Variants in MRPS30 observed in about 807,000 individuals in gnomAD.
The protein encoded by MRPS30 is large ribosomal subunit protein mL65.
MRPS30 carries 42 observed loss-of-function variants against 43.8 expected under a neutral mutation model. The observed-to-expected ratio is 0.96, with a 90% CI of 0.75 to 1.24. MRPS30 has a LOEUF of 1.24. Among genes scored for constraint, MRPS30 ranks in the 50% most tolerant of loss-of-function variants. The pLI is 0.00. For synonymous variants in MRPS30, 273 were observed against 228.2 expected, an observed-to-expected ratio of 1.20 and a Z score of -1.77; for missense variants, 638 against 570.0, an observed-to-expected ratio of 1.12 and a Z score of -1.22.
chr5:44,813,043 AACAT>A, intron 3 of MRPS30, 59 bp from the exon 4 acceptor site: 1 of 1,529,278 alleles, frequency 6.5e-7, no homozygotes, highest in South Asian at 1.2e-5. Context: ...CAAATACTAA[AACAT>A]GTGCTCCACA....
In MRPS30 at chr5:44,813,257, G is replaced by T. The variant is rs2111857971; in HGVS notation, c.1005G>T (p.Trp335Cys). Residue 335 changes from tryptophan to cysteine, a missense_variant, in exon 4 of 5, where the codon TGG becomes TGT. By Grantham distance (215) the Trp-to-Cys change is radical. Coordinates refer to ENST00000507110, the MANE Select transcript of MRPS30 (RefSeq NM_016640.4). The stretch of plus-strand genomic sequence containing the variant: ...ATGCTATTGCAAGCCTTTTTGCTTG[G>T]ACTGGAGCACAAGCTATGTATCAAG... Reference protein sequence around the residue: ...RANAIASLFAWTGAQAMYQGF... With the variant: ...RANAIASLFACTGAQAMYQGF... 6.2e-7 allele frequency: 1 copy of T among 1,605,622 alleles called. No individual in the cohort carries two copies. Among genetic ancestry groups the T allele is most frequent in the African/African-American group, 1.3e-5 (1 of 74,566 alleles).
Position 44,809,194 on chromosome 5 carries a change from G to A in MRPS30, c.232G>A (p.Glu78Lys), listed in dbSNP as rs561639693. 22 of 1,613,106 alleles carry A rather than the reference G, an allele frequency of 1.4e-5. No homozygotes were observed. The African/African-American group carries it at 2.1e-4, about 16-fold the overall frequency. ...GGTGCACGCTGCGGAGTCGGTAGAC[G>A]AGAAGCTGCGAATCCTCACCAAGAT... ...ATVHAAESVD[E>K]KLRILTKMQF... The change falls in exon 1 of 5, where the codon GAG becomes AAG. Residue 78 changes from glutamate (E) to lysine (K), a missense_variant. By Grantham distance (56) the Glu-to-Lys change is moderately conservative. Transcript: ENST00000507110.
At chr5:44,814,367 T>A (rs1366222886) in intron 4 of MRPS30, among the ~76,000 whole-genome samples, 1 of 152,192 alleles carries the variant, frequency 6.6e-6, no homozygotes, top group Non-Finnish European at 1.5e-5. Flanking sequence ...ATAATAGAAT[T>A]GAATAGAGGA....
intron 1 of MRPS30, chr5:44,809,940 C>T (rs1000179013): frequency 4.3e-6 from 1 of 230,032 alleles, no homozygotes; most frequent in African/African-American, 2.3e-5. Flanking sequence ...AGCTGTGTGA[C>T]CATGTGTCAC....
chr5:44,815,129 A>T lies in MRPS30; in HGVS notation c.1247A>T (p.Asp416Val), dbSNP rs1174920515. Residue 416 changes from aspartate (D) to valine (V), a missense_variant, in exon 5 of 5, where the codon GAT becomes GTT. Transcript: ENST00000507110. ...AATGATGTGAAAGGTTTTAATGATG[A>T]TGTTCTACTTCAGATAGTTCACTTT... ...EDNDVKGFND[D>V]VLLQIVHFLL... 3 of 1,612,772 alleles carry T rather than the reference A, an allele frequency of 1.9e-6. No individual in the cohort carries two copies. The highest frequency in any genetic ancestry group is 1.7e-6 in the Non-Finnish European group (2 of 1,179,258).
intron 4 of MRPS30, among the ~76,000 whole-genome samples, chr5:44,814,358 T>A (rs1742887002): frequency 6.6e-6 from 1 of 152,236 alleles, no homozygotes; most frequent in Non-Finnish European, 1.5e-5. Flanking sequence ...TAGATTTATA[T>A]AATAGAATTG....
Position 44,811,117 on chromosome 5 carries a change from CA to C in MRPS30, c.713del (p.Asn238ThrfsTer22). The C allele has an allele frequency of 1.2e-6, 2 of 1,613,866 alleles. No individual in the cohort carries two copies. The highest frequency in any genetic ancestry group is 2.2e-5 in the South Asian group (2 of 91,054). ...DDLRYQIDDK[P>X]NNQIRISKQL... ...TTGCGATACCAGATAGATGATAAAC[CA>C]AACAACCAGATTCGAATATCCAAGC... is the stretch of plus-strand genomic sequence containing the variant. On this transcript the variant is annotated frameshift_variant, in exon 2 of 5. Transcript: ENST00000507110. LOFTEE classifies it high-confidence loss of function.
Position 44,814,949 on chromosome 5 carries a change from T to A in MRPS30, c.1067T>A (p.Val356Asp). The change falls in exon 5 of 5, where the codon GTC (valine) becomes GAC (aspartate). Residue 356 changes from valine to aspartate, a missense_variant. Val to Asp is a radical substitution (Grantham distance 152, BLOSUM62 -3). Transcript: ENST00000507110. The part of the protein sequence containing the change: ...WSEADVTRPF[V>D]SQAVITDGKY... ...GAAGCAGATGTTACTCGACCTTTTG[T>A]CTCCCAGGCTGTGATCACAGATGGA... The A allele has an allele frequency of 4.3e-6, 7 of 1,612,560 alleles. No individual in the cohort carries two copies. Among genetic ancestry groups the A allele is most frequent in the Non-Finnish European group, 5.9e-6 (7 of 1,179,386 alleles).
chr5:44,810,897 C>A, intron 1 of MRPS30, 112 bp from the exon 2 acceptor site: 2 of 913,328 alleles, frequency 2.2e-6, no homozygotes, highest in Non-Finnish European at 3.3e-6. Context: ...AGACTCTTAC[C>A]TCAATCATTC....
At chr5:44,809,647 T>C in intron 1 of MRPS30, 84 bp downstream of exon 1, 1 of 1,363,498 alleles carries the variant, frequency 7.3e-7, no homozygotes, top group Non-Finnish European at 1.0e-6. Context: ...CCCCTCGTCA[T>C]TTCTTTCTCT....
At chr5:44,810,280 A>G (rs1363890754) in intron 1 of MRPS30, among the ~76,000 whole-genome samples, 1 of 152,228 alleles carries the variant, frequency 6.6e-6, no homozygotes. Flanking sequence ...CTGACACCCT[A>G]TAGCTAAGAG....
At chr5:44,813,428 A>C (rs906485639) in intron 4 of MRPS30, 146 bp downstream of exon 4, 41 of 647,874 alleles carry the variant, frequency 6.3e-5, no homozygotes, top group Non-Finnish European at 8.0e-5. Context: ...CAGTTGTTTT[A>C]AAATCCTCGT....
chr5:44,814,818 AG>A, intron 4 of MRPS30, 94 bp from the exon 5 acceptor site: 1 of 1,107,716 alleles, frequency 9.0e-7, no homozygotes, highest in African/African-American at 1.6e-5. Flanking sequence ...TCTAAGTTGT[AG>A]GAGGTATTTG....
intron 1 of MRPS30, among the ~76,000 whole-genome samples, chr5:44,810,232 G>A (rs187381073): frequency 1.4e-4 from 21 of 152,146 alleles, no homozygotes; most frequent in Admixed American, 1.1e-3. Context: ...AGACAAAAAC[G>A]TAACAAACTG....
chr5:44,811,600 T>C (rs1262489435), intron 2 of MRPS30, among the ~76,000 whole-genome samples: 1 of 152,190 alleles, frequency 6.6e-6, no homozygotes, highest in Non-Finnish European at 1.5e-5. Context: ...GTTGACACAC[T>C]TTTTCTGTAA....
Position 44,811,107 on chromosome 5 carries a change from G to A in MRPS30, c.700G>A (p.Asp234Asn). 1 of 1,614,092 alleles carries A rather than the reference G, an allele frequency of 6.2e-7. No homozygotes were observed. Among genetic ancestry groups the A allele is most frequent in the African/African-American group, 1.3e-5 (1 of 75,032 alleles). ...AATTGATGACTTGCGATACCAGATA[G>A]ATGATAAACCAAACAACCAGATTCG... is the stretch of plus-strand genomic sequence containing the variant. ...GRIDDLRYQI[D>N]DKPNNQIRIS... Residue 234 changes from aspartate (D) to asparagine (N), a missense_variant, in exon 2 of 5, where the codon GAT becomes AAT. Coordinates refer to ENST00000507110, the MANE Select transcript of MRPS30 (RefSeq NM_016640.4).
intron 4 of MRPS30, 77 bp from the exon 5 acceptor site, chr5:44,814,836 T>C (rs1199391093): frequency 4.5e-6 from 6 of 1,344,114 alleles, no homozygotes; most frequent in Middle Eastern, 3.8e-4. Context: ...TTTGATACCC[T>C]CTAATGTCTA....
intron 1 of MRPS30, among the ~76,000 whole-genome samples, chr5:44,810,344 A>G (rs1403355020): frequency 6.6e-6 from 1 of 152,260 alleles, no homozygotes; most frequent in Non-Finnish European, 1.5e-5. Context: ...AAAAATCAGC[A>G]GCTTCCGTGT....
At chr5:44,810,588 C>A (rs979123343) in intron 1 of MRPS30, among the ~76,000 whole-genome samples, 1 of 152,120 alleles carries the variant, frequency 6.6e-6, no homozygotes, top group African/African-American at 2.4e-5. Context: ...TTAGACTACT[C>A]CTGATGGATG....
Sources: gnomAD v4.1 joint callset for allele counts (sites outside exome capture counted in the v4.1 genomes callset) on GRCh38, gnomAD v4.1.1 for gene constraint, MANE v1.5 for transcripts, NCBI Gene and HGNC (gene_info 2026-07-23, HGNC 2026-07-21) for gene names.